TGDS: variants seen among roughly 807,000 people sequenced by gnomAD.
The protein encoded by TGDS is UDP-D-glucose 4,6-dehydratase.
TGDS carries 47 observed loss-of-function variants against 52.3 expected under a neutral mutation model. That is an observed-to-expected ratio of 0.90 (90% CI 0.71 to 1.15). TGDS has a LOEUF of 1.15. Ranked by LOEUF, TGDS falls within the 50% of genes most tolerant of loss-of-function variation. The pLI, the probability that TGDS is intolerant of heterozygous loss-of-function variation, is 0.00. For synonymous variants in TGDS, 115 were observed against 136.9 expected (o/e 0.84, Z 1.12); for missense variants, 375 against 418.4 (o/e 0.90, Z 0.90).
chr13:94,587,276 C>A (rs958345669), intron 4 of TGDS, among the ~76,000 whole-genome samples: 1 of 151,846 alleles, frequency 6.6e-6, no homozygotes, highest in South Asian at 2.1e-4. Flanking sequence ...AAGGTAAGAC[C>A]AGAAATTCAT....
chr13:94,575,317 G>A (rs1338541811), intron 11 of TGDS, among the ~76,000 whole-genome samples: 1 of 147,870 alleles, frequency 6.8e-6, no homozygotes, highest in African/African-American at 2.5e-5. Flanking sequence ...AAAGAGATGG[G>A]GTCTCGCTGT....
chr13:94,580,079 G>A, intron 6 of TGDS, 126 bp from the exon 7 acceptor site: 2 of 555,794 alleles, frequency 3.6e-6, no homozygotes, highest in Non-Finnish European at 6.2e-6. Flanking sequence ...TAAGGTCAAA[G>A]GGAAGAGATT....
intron 9 of TGDS, 101 bp downstream of exon 9, chr13:94,577,904 G>T: frequency 8.5e-7 from 1 of 1,174,290 alleles, no homozygotes; most frequent in Non-Finnish European, 1.2e-6. Context: ...TTTTCTACTT[G>T]CTTACTTTTA....
At position 94,580,542 on chromosome 13, in the gene TGDS, C is replaced by T. The variant is rs1015903032; in HGVS notation, c.555+549G>A. On this transcript the variant is annotated intron_variant, in intron 6 of 11. Coordinates refer to ENST00000261296, the MANE Select transcript of TGDS (RefSeq NM_014305.4). ...CCACCAGGGGCAAGTCTACTTCCCA[C>T]TCATGAGGAGCCACAAAAGCCAAAT... Among the ~76,000 whole-genome samples the T allele has an allele frequency of 3.3e-5, 5 of 152,156 alleles. No individual in the cohort carries two copies. The South Asian group carries it at 6.2e-4, about 19-fold the overall frequency.
At chr13:94,575,974 GA>G (rs1888585497) in intron 11 of TGDS, among the ~76,000 whole-genome samples, 2 of 152,050 alleles carry the variant, frequency 1.3e-5, no homozygotes, top group African/African-American at 4.8e-5. Context: ...ATGTAAAAAA[GA>G]AAAAAGCTAC....
chr13:94,590,868 C>T lies in TGDS; in HGVS notation c.298G>A (p.Ala100Thr), dbSNP rs140430952. Residue 100 changes from alanine (A) to threonine (T), a missense_variant, in exon 4 of 12, where the codon GCA (alanine) becomes ACA (threonine). By Grantham distance (58) the Ala-to-Thr change is moderately conservative. Transcript: ENST00000261296. Reference protein sequence around the residue: ...EKIDIVLHFAAQTHVDLSFVR... With the variant: ...EKIDIVLHFATQTHVDLSFVR... The stretch of plus-strand genomic sequence containing the variant: ...CAATGCTTACCTACATGTGTTTGTG[C>T]GGCAAAATGTAGTACTATATCTATT... The T allele has an allele frequency of 2.2e-5, 34 of 1,565,804 alleles. No homozygotes were observed. Among genetic ancestry groups the T allele is most frequent in the East Asian group, 4.7e-5 (2 of 42,298 alleles).
Position 94,578,180 on chromosome 13 carries a change from T to G in TGDS, c.660-10A>C. 6.2e-7 allele frequency: 1 copy of G among 1,612,264 alleles called. No individual in the cohort carries two copies. Among genetic ancestry groups the G allele is most frequent in the Non-Finnish European group, 8.5e-7 (1 of 1,179,340 alleles). ...TGACCCATGAATGCAACTAAAGAGA[T>G]TAAACGAAGTGAAATCATAAAGTGT... On this transcript the variant is annotated splice_polypyrimidine_tract_variant and intron_variant, in intron 8 of 11. Coordinates refer to ENST00000261296, the MANE Select transcript of TGDS (RefSeq NM_014305.4).
intron 4 of TGDS, among the ~76,000 whole-genome samples, chr13:94,587,305 G>A (rs1395085787): frequency 2.6e-5 from 4 of 152,060 alleles, no homozygotes; most frequent in Non-Finnish European, 5.9e-5. Flanking sequence ...AAACAAACAC[G>A]CATAAGAAAA....
At chr13:94,595,611 G>C (rs1399443189) in intron 1 of TGDS, among the ~76,000 whole-genome samples, 1 of 152,114 alleles carries the variant, frequency 6.6e-6, no homozygotes, top group Non-Finnish European at 1.5e-5. Flanking sequence ...GGAAGAAAAG[G>C]GTGTCAACAG....
chr13:94,596,264 C>T, upstream of TGDS: 12 of 1,030,488 alleles, frequency 1.2e-5, no homozygotes, highest in Non-Finnish European at 1.7e-5. Flanking sequence ...AGGCAGCTTC[C>T]GGAGACTGCT....
chr13:94,574,922 C>T lies in TGDS; in HGVS notation c.983-70G>A. The T allele has an allele frequency of 1.2e-5, 11 of 924,668 alleles. No individual in the cohort carries two copies. The South Asian group carries it at 1.7e-4, about 14-fold the overall frequency. The allele number at this position is 924,668 out of a possible 1,614,324, so 57.3% of individuals were successfully genotyped here. A position where few individuals can be genotyped will look rare whatever the true frequency, so the allele number is the denominator to read the frequency against. ...AAAAACTAAACATCAGTTAACCAAC[C>T]TTTACTGAGTTCCTGCTAGCTAAGT... On this transcript the variant is annotated intron_variant, in intron 11 of 11. Coordinates refer to ENST00000261296, the MANE Select transcript of TGDS (RefSeq NM_014305.4).
chr13:94,591,361 G>C (rs566725938), intron 3 of TGDS, among the ~76,000 whole-genome samples: 2 of 152,318 alleles, frequency 1.3e-5, no homozygotes, highest in African/African-American at 4.8e-5. Context: ...TGCAAGTTGA[G>C]GCGGGCAGAT....
chr13:94,580,054 TAA>T (rs1888732254), intron 6 of TGDS, 101 bp from the exon 7 acceptor site: 29 of 715,136 alleles, frequency 4.1e-5, no homozygotes, highest in Non-Finnish European at 6.8e-5. Context: ...TTTGCCTAAA[TAA>T]TTCCACACAC....
chr13:94,592,682 C>T (rs1889246597), intron 2 of TGDS, among the ~76,000 whole-genome samples: 1 of 152,012 alleles, frequency 6.6e-6, no homozygotes. Context: ...TTTTGACCTC[C>T]TGACCTTGTG....
intron 5 of TGDS, among the ~76,000 whole-genome samples, chr13:94,581,872 A>G (rs1888806378): frequency 1.3e-5 from 2 of 152,332 alleles, no homozygotes; most frequent in South Asian, 4.1e-4. Flanking sequence ...CTTTGCCTAA[A>G]AAGTGTAATA....
At chr13:94,586,904 A>C (rs9561638) in intron 4 of TGDS, among the ~76,000 whole-genome samples, 48,548 of 151,678 alleles carry the variant, frequency 0.32, 9,448 homozygotes, top group East Asian at 0.56. Flanking sequence ...GACTACAGGC[A>C]CATGCCATCA....
chr13:94,585,228 T>A (rs575484801), intron 4 of TGDS, among the ~76,000 whole-genome samples: 3 of 151,970 alleles, frequency 2.0e-5, no homozygotes, highest in African/African-American at 7.2e-5. Flanking sequence ...TTTTTTGTAT[T>A]TTAGAGATGG....
At chr13:94,576,609 T>C (rs1425045140) in intron 10 of TGDS, among the ~76,000 whole-genome samples, 198 bp from the exon 11 acceptor site, 1 of 151,362 alleles carries the variant, frequency 6.6e-6, no homozygotes, top group Non-Finnish European at 1.5e-5. Context: ...GCCAGGTGCC[T>C]AACCCTCTCT....
At chr13:94,582,091 G>C (rs1218455360) in intron 5 of TGDS, among the ~76,000 whole-genome samples, 2 of 151,990 alleles carry the variant, frequency 1.3e-5, no homozygotes, top group African/African-American at 2.4e-5. Context: ...CCAGCTACTC[G>C]GGAGGCTGAG....
Sources: gnomAD v4.1 joint callset for allele counts (sites outside exome capture counted in the v4.1 genomes callset) on GRCh38, gnomAD v4.1.1 for gene constraint, MANE v1.5 for transcripts, NCBI Gene and HGNC (gene_info 2026-07-23, HGNC 2026-07-21) for gene names.